TRPM1: variants seen among roughly 807,000 people sequenced by gnomAD.
TRPM1 encodes the protein TRPM1-203 APA Isoform, Intron 10.
A neutral mutation model predicts 149.4 loss-of-function variants in TRPM1; 113 were observed. The observed-to-expected ratio is 0.76, with a 90% CI of 0.65 to 0.88. The LOEUF (loss-of-function observed/expected upper bound fraction) is 0.88, where lower values mean the gene tolerates loss of function less well. Among genes scored for constraint, TRPM1 ranks in the 40% least tolerant of loss-of-function variants. The pLI, the probability that TRPM1 is intolerant of heterozygous loss-of-function variation, is 0.00. For synonymous variants in TRPM1, 741 were observed against 759.5 expected (o/e 0.98, Z 0.40); for missense variants, 1,976 against 2,038.7 (o/e 0.97, Z 0.59).
At chr15:31,003,422 G>A (rs1566982965) in intron 27 of TRPM1, among the ~76,000 whole-genome samples, 2 of 152,304 alleles carry the variant, frequency 1.3e-5, no homozygotes, top group East Asian at 1.9e-4. Flanking sequence ...TTTTACAGGT[G>A]AGGAAATTAA....
intron 1 of TRPM1, among the ~76,000 whole-genome samples, chr15:31,146,568 C>G (rs1472892831): frequency 6.6e-6 from 1 of 152,226 alleles, no homozygotes; most frequent in African/African-American, 2.4e-5. Flanking sequence ...AGTCTTCAGT[C>G]AGCATGATAA....
intron 7 of TRPM1, among the ~76,000 whole-genome samples, chr15:31,065,665 G>A (rs1428036895): frequency 6.6e-6 from 1 of 152,088 alleles, no homozygotes; most frequent in Non-Finnish European, 1.5e-5. Context: ...TACATGAAAG[G>A]CCCAGCATTA....
chr15:31,019,378 A>G (rs142140838), intron 27 of TRPM1, among the ~76,000 whole-genome samples: 1,524 of 152,294 alleles, frequency 0.01, 18 homozygotes, highest in Non-Finnish European at 0.015. Context: ...GACTAATCAT[A>G]AAAGAACAAG....
chr15:31,136,290 C>G (rs2036087255), intron 1 of TRPM1, among the ~76,000 whole-genome samples: 1 of 152,184 alleles, frequency 6.6e-6, no homozygotes, highest in Non-Finnish European at 1.5e-5. Context: ...CTCTGTGTTT[C>G]CATGTGCCTG....
chr15:31,075,088 T>C (rs1159854303), intron 3 of TRPM1, among the ~76,000 whole-genome samples: 1 of 152,222 alleles, frequency 6.6e-6, no homozygotes, highest in Non-Finnish European at 1.5e-5. Flanking sequence ...TTTAATGGAC[T>C]AACACATGGT....
intron 16 of TRPM1, among the ~76,000 whole-genome samples, 174 bp downstream of exon 16, chr15:31,046,030 G>A (rs770594276): frequency 6.6e-6 from 1 of 152,110 alleles, no homozygotes; most frequent in Non-Finnish European, 1.5e-5. Context: ...AATGGATTGT[G>A]CAGCTTTTAT....
chr15:31,021,657 C>G (rs1406898602), intron 27 of TRPM1, among the ~76,000 whole-genome samples: 3 of 150,638 alleles, frequency 2.0e-5, no homozygotes, highest in Non-Finnish European at 4.4e-5. Flanking sequence ...GATCATCCCA[C>G]TGTACTCCAG....
chr15:31,128,098 C>T (rs565038799), intron 1 of TRPM1, among the ~76,000 whole-genome samples: 18 of 152,270 alleles, frequency 1.2e-4, no homozygotes, highest in East Asian at 5.8e-4. Flanking sequence ...CTCCCCTCCC[C>T]GCTCTGCTGA....
At chr15:31,145,502 T>C (rs2036213940) in intron 1 of TRPM1, among the ~76,000 whole-genome samples, 1 of 152,224 alleles carries the variant, frequency 6.6e-6, no homozygotes, top group Non-Finnish European at 1.5e-5. Context: ...TAACAAATCC[T>C]CTAGTCCACC....
rs775712832 is a variant in TRPM1 at position 31,068,092 on chromosome 15, A to G, written c.280T>C (p.Tyr94His). 1.2e-6 allele frequency: 2 copies of G among 1,612,634 alleles called. No individual in the cohort carries two copies. Among genetic ancestry groups the G allele is most frequent in the South Asian group, 2.2e-5 (2 of 91,050 alleles). ...TTGGTGTCATAGGATACACGGATAT[A>G]CTGTGAAAGAGTGTGTGGCACTCAG... ...QGGGYSNKAMYIRVSYDTKPD... is the reference protein window; with the variant it reads ...QGGGYSNKAMHIRVSYDTKPD... The change falls in exon 5 of 28, where the codon TAT becomes CAT. Residue 94 changes from tyrosine to histidine, a missense_variant and splice_region_variant. By Grantham distance (83) the Tyr-to-His change is moderately conservative (BLOSUM62 2). Transcript: ENST00000256552.
Position 31,067,248 on chromosome 15 carries a change from G to T in TRPM1, c.494-61C>A. 3.7e-6 allele frequency: 6 copies of T among 1,613,416 alleles called. No individual in the cohort carries two copies. In the South Asian group the frequency reaches 6.6e-5, roughly 18 times the overall value. Reference sequence around the variant, plus strand: ...TACTTCCCAGCACACCATCATTCATGAAATTTAGGGACACTTGCCCTGAGT... The same window carrying T: ...TACTTCCCAGCACACCATCATTCATTAAATTTAGGGACACTTGCCCTGAGT... On this transcript the variant is annotated intron_variant, in intron 5 of 27. Coordinates refer to ENST00000256552, the MANE Select transcript of TRPM1 (RefSeq NM_001252024.2).
intron 1 of TRPM1, among the ~76,000 whole-genome samples, chr15:31,143,289 A>T (rs1171092997): frequency 6.6e-6 from 1 of 152,238 alleles, no homozygotes; most frequent in African/African-American, 2.4e-5. Flanking sequence ...GCAAGAATTA[A>T]TTACATGAAG....
intron 11 of TRPM1, among the ~76,000 whole-genome samples, chr15:31,059,340 CAGTTA>C (rs2034165043): frequency 6.6e-6 from 1 of 152,148 alleles, no homozygotes. Context: ...AACACAGAGG[CAGTTA>C]AGTAAAATGC....
chr15:31,083,976 A>T lies in TRPM1; in HGVS notation c.-83-2538T>A, dbSNP rs1332254284. The stretch of plus-strand genomic sequence containing the variant: ...TATTGTCCTCTGCTTCATCATCACT[A>T]TCCGCAGGAAGGTGACAGGGCTGGC... On this transcript the variant is annotated intron_variant, in intron 1 of 27. Coordinates refer to ENST00000256552, the MANE Select transcript of TRPM1 (RefSeq NM_001252024.2). Among the ~76,000 whole-genome samples the T allele has an allele frequency of 2.0e-5, 3 of 151,992 alleles. No homozygotes were observed. In the East Asian group the frequency reaches 5.8e-4, roughly 29 times the overall value.
intron 1 of TRPM1, among the ~76,000 whole-genome samples, chr15:31,113,140 T>G (rs1051624439): frequency 6.6e-5 from 10 of 152,144 alleles, no homozygotes; most frequent in African/African-American, 2.4e-4. Flanking sequence ...TCTCACTGTG[T>G]CTTCTGCCTG....
chr15:31,062,428 C>G, intron 9 of TRPM1, 151 bp downstream of exon 9: 4 of 1,009,858 alleles, frequency 4.0e-6, no homozygotes, highest in South Asian at 1.6e-5. Context: ...CATGTGGACA[C>G]AGCCACCAAT....
intron 27 of TRPM1, among the ~76,000 whole-genome samples, chr15:31,025,308 G>A (rs2032686838): frequency 6.6e-6 from 1 of 152,168 alleles, no homozygotes; most frequent in African/African-American, 2.4e-5. Flanking sequence ...TTTAGTAAAT[G>A]ATAAAGGCTC....
At position 31,113,612 on chromosome 15, in the gene TRPM1, G is replaced by C. The variant is rs143946955; in HGVS notation, c.55-36628C>G. ...GCAGGTTTGTTACACAAGTAAACTT[G>C]TGTCATAGCACTTTACTGTACAAAT... On this transcript the variant is annotated intron_variant, in intron 1 of 26. Coordinates refer to the TRPM1 transcript ENST00000542188. Among the ~76,000 whole-genome samples, 156 of 152,218 alleles carry C rather than the reference G, an allele frequency of 1.0e-3. 1 individual carries two copies. In the East Asian group the frequency reaches 0.028, roughly 27 times the overall value.
chr15:31,094,398 AAGG>A (rs2035322511), intron 1 of TRPM1, among the ~76,000 whole-genome samples: 1 of 152,228 alleles, frequency 6.6e-6, no homozygotes, highest in Non-Finnish European at 1.5e-5. Flanking sequence ...AAATTCATCA[AAGG>A]ACATTATTAA....
Sources: gnomAD v4.1 joint callset for allele counts (sites outside exome capture counted in the v4.1 genomes callset) on GRCh38, gnomAD v4.1.1 for gene constraint, MANE v1.5 for transcripts, NCBI Gene and HGNC (gene_info 2026-07-23, HGNC 2026-07-21) for gene names.